Variants in FAM107B observed in about 807,000 individuals in gnomAD.
FAM107B encodes family with sequence similarity 107 member B.
In FAM107B, 21 loss-of-function variants were observed where a neutral mutation model predicts 31.5. The observed-to-expected ratio is 0.67, with a 90% CI of 0.47 to 0.96. FAM107B has a LOEUF of 0.96. FAM107B is among the 40% of genes least tolerant of loss of function. The probability of loss-of-function intolerance (pLI) is 0.00; values close to 1 mark genes in which losing one functional copy is unlikely to be tolerated. For synonymous variants in FAM107B, 157 were observed against 141.5 expected (o/e 1.11, Z -0.78); for missense variants, 452 against 377.1 (o/e 1.20, Z -1.64).
chr10:14,629,763 T>A (rs1853304922), intron 2 of FAM107B, among the ~76,000 whole-genome samples: 2 of 150,532 alleles, frequency 1.3e-5, no homozygotes. Context: ...TCTGCATGCC[T>A]CGGCCTCCCA....
At chr10:14,686,583 T>A (rs1225745259) in intron 1 of FAM107B, among the ~76,000 whole-genome samples, 1 of 152,164 alleles carries the variant, frequency 6.6e-6, no homozygotes, top group Non-Finnish European at 1.5e-5. Flanking sequence ...TGTAGAACCT[T>A]TCAGAATGAA....
chr10:14,692,987 G>A (rs184157846), intron 1 of FAM107B, among the ~76,000 whole-genome samples: 16 of 152,284 alleles, frequency 1.1e-4, no homozygotes, highest in African/African-American at 3.6e-4. Context: ...TGCAAAAATC[G>A]CAGTGATGCG....
At chr10:14,532,865 T>C (rs1225243136) in intron 2 of FAM107B, among the ~76,000 whole-genome samples, 2 of 152,176 alleles carry the variant, frequency 1.3e-5, no homozygotes, top group Non-Finnish European at 2.9e-5. Flanking sequence ...GACCTCGTTA[T>C]TACATTTGGG....
chr10:14,682,904 AAAAT>A (rs898674021), intron 1 of FAM107B, among the ~76,000 whole-genome samples: 3 of 152,078 alleles, frequency 2.0e-5, no homozygotes, highest in Non-Finnish European at 2.9e-5. Context: ...AAAAAAAAGA[AAAAT>A]AAATAAATAA....
intron 1 of FAM107B, chr10:14,723,065 T>C: frequency 5.5e-6 from 2 of 363,478 alleles, no homozygotes; most frequent in Non-Finnish European, 1.1e-5. Context: ...TTGTGTCTTA[T>C]ATTTAGGTCT....
chr10:14,686,738 C>T (rs1854998327), intron 1 of FAM107B, among the ~76,000 whole-genome samples: 1 of 152,100 alleles, frequency 6.6e-6, no homozygotes, highest in Non-Finnish European at 1.5e-5. Flanking sequence ...GCACAAGGTG[C>T]CCAAATGAAC....
At chr10:14,675,232 G>A (rs1190817472) in intron 1 of FAM107B, among the ~76,000 whole-genome samples, 1 of 152,146 alleles carries the variant, frequency 6.6e-6, no homozygotes, top group Non-Finnish European at 1.5e-5. Flanking sequence ...GGAATAAGCT[G>A]GGCGTTGGGA....
chr10:14,741,042 C>T (rs1398918484), intron 1 of FAM107B, among the ~76,000 whole-genome samples: 2 of 152,070 alleles, frequency 1.3e-5, no homozygotes, highest in African/African-American at 4.8e-5. Flanking sequence ...GAACAGTCAA[C>T]AGGTGACATT....
intron 1 of FAM107B, among the ~76,000 whole-genome samples, chr10:14,722,330 A>G (rs549111967): frequency 2.6e-4 from 39 of 152,316 alleles, no homozygotes; most frequent in African/African-American, 9.1e-4. Context: ...ACTTAGCATA[A>G]TGTTTTCAAG....
intron 2 of FAM107B, among the ~76,000 whole-genome samples, chr10:14,576,012 G>A (rs932473361): frequency 1.3e-5 from 2 of 152,224 alleles, no homozygotes; most frequent in Non-Finnish European, 2.9e-5. Flanking sequence ...AGTACTGTAC[G>A]ATTCCATTTA....
chr10:14,656,908 C>T (rs747929838), intron 2 of FAM107B, among the ~76,000 whole-genome samples: 4 of 152,172 alleles, frequency 2.6e-5, no homozygotes, highest in Non-Finnish European at 5.9e-5. Context: ...TGCCTCCATT[C>T]CCACTGTGTT....
chr10:14,685,296 G>A (rs1181556487), intron 1 of FAM107B, among the ~76,000 whole-genome samples: 1 of 151,596 alleles, frequency 6.6e-6, no homozygotes, highest in Non-Finnish European at 1.5e-5. Context: ...CTACAGGTAT[G>A]TACCACCATG....
intron 2 of FAM107B, among the ~76,000 whole-genome samples, chr10:14,623,541 AC>A (rs1853072030): frequency 6.6e-6 from 1 of 152,214 alleles, no homozygotes; most frequent in Admixed American, 6.5e-5. Context: ...CTAGCTCAAA[AC>A]TGGGTCAGCG....
At chr10:14,764,528 C>A (rs945737099) in intron 1 of FAM107B, among the ~76,000 whole-genome samples, 2 of 152,204 alleles carry the variant, frequency 1.3e-5, no homozygotes, top group African/African-American at 4.8e-5. Flanking sequence ...AAATTTCCAA[C>A]CTCCGGCCTT....
At chr10:14,723,249 G>C in intron 1 of FAM107B, 1 of 532,396 alleles carries the variant, frequency 1.9e-6, no homozygotes, top group Non-Finnish European at 3.7e-6. Flanking sequence ...TGGTGGGGCC[G>C]AGCACTCCAG....
At chr10:14,772,250 G>A (rs1833320877) in intron 1 of FAM107B, among the ~76,000 whole-genome samples, 2 of 151,924 alleles carry the variant, frequency 1.3e-5, no homozygotes, top group African/African-American at 2.4e-5. Context: ...GCCACTCGTG[G>A]GGCTGAGGCA....
chr10:14,652,777 A>G (rs2131449677), intron 2 of FAM107B: 1 of 152,342 alleles, frequency 6.6e-6, no homozygotes, highest in Non-Finnish European at 1.5e-5. Context: ...ATGTGCTAAA[A>G]TCAAATACCG....
chr10:14,712,243 A>G (rs1855665782), intron 1 of FAM107B, among the ~76,000 whole-genome samples: 1 of 152,194 alleles, frequency 6.6e-6, no homozygotes, highest in Non-Finnish European at 1.5e-5. Flanking sequence ...TATCTCATAA[A>G]TATATACATC....
At chr10:14,640,914 C>T (rs1459778777) in intron 2 of FAM107B, among the ~76,000 whole-genome samples, 2 of 152,144 alleles carry the variant, frequency 1.3e-5, no homozygotes, top group African/African-American at 4.8e-5. Context: ...AAAAAACTTG[C>T]TTTAAAGAAG....
Sources: allele counts gnomAD v4.1 joint callset (sites outside exome capture counted in the v4.1 genomes callset), GRCh38; gene constraint gnomAD v4.1.1; transcripts MANE v1.5; gene names NCBI Gene and HGNC (gene_info 2026-07-23, HGNC 2026-07-21).